Variants in NOTCH2 observed in about 807,000 individuals in gnomAD.
NOTCH2 encodes the protein notch receptor 2.
NOTCH2 carries 29 observed loss-of-function variants against 235.8 expected under a neutral mutation model. The observed-to-expected ratio is 0.12, with a 90% confidence interval of 0.09 to 0.17. NOTCH2 has a LOEUF of 0.17. Ranked by LOEUF, NOTCH2 falls within the 10% of genes least tolerant of loss-of-function variation. NOTCH2 has a pLI of 1.00. For synonymous variants in NOTCH2, 1,086 were observed against 1,141.5 expected (o/e 0.95, Z 0.98); for missense variants, 2,285 against 3,150.2 (o/e 0.73, Z 6.57).
intron 19 of NOTCH2, among the ~76,000 whole-genome samples, chr1:119,939,383 G>C (rs1459420168): frequency 6.6e-6 from 1 of 152,186 alleles, no homozygotes; most frequent in Non-Finnish European, 1.5e-5. Flanking sequence ...TACATGTATA[G>C]CCACCCTGTA....
intron 2 of NOTCH2, among the ~76,000 whole-genome samples, chr1:120,009,432 C>T (rs1246798659): frequency 6.6e-6 from 1 of 150,856 alleles, no homozygotes; most frequent in Non-Finnish European, 1.5e-5. Flanking sequence ...TTTACTTTTA[C>T]CTTAGAAGAT....
rs1649022552 is a variant in NOTCH2, at chr1:119,915,272, G to C, written c.*34C>G. 1 of 1,607,062 alleles carries C rather than the reference G, an allele frequency of 6.2e-7. No homozygotes were observed. On this transcript the variant is annotated 3_prime_UTR_variant, in exon 34 of 34. Transcript: ENST00000256646. ...TTGTTCCTCAGCAGCATTTACAAAAGTCAGTTATGTCTCTACACTGGAGGT... is the reference window on the plus strand; with the variant it reads ...TTGTTCCTCAGCAGCATTTACAAAACTCAGTTATGTCTCTACACTGGAGGT...
At chr1:119,916,932 T>C (rs1208099275) in intron 33 of NOTCH2, among the ~76,000 whole-genome samples, 1 of 152,196 alleles carries the variant, frequency 6.6e-6, no homozygotes, top group African/African-American at 2.4e-5. Context: ...TTTTGCCCCT[T>C]AGGGGGAACA....
intron 22 of NOTCH2, among the ~76,000 whole-genome samples, chr1:119,932,607 ATATCTAT>A (rs1649707131): frequency 1.3e-5 from 2 of 148,344 alleles, no homozygotes; most frequent in African/African-American, 2.5e-5. Context: ...AAACAAACAA[ATATCTAT>A]CTATCTATCT....
intron 12 of NOTCH2, among the ~76,000 whole-genome samples, chr1:119,957,879 C>CACACAT (rs1650767635): frequency 3.4e-5 from 5 of 145,802 alleles, no homozygotes; most frequent in Admixed American, 3.4e-4. Context: ...CACACACACA[C>CACACAT]ACACAACAGG....
In NOTCH2 at chr1:119,916,339, C is replaced by G. The variant is rs1470409826; in HGVS notation, c.6383G>C (p.Gly2128Ala). The G allele has an allele frequency of 1.9e-6, 3 of 1,614,070 alleles. No individual in the cohort carries two copies. The highest frequency in any genetic ancestry group is 3.3e-5 in the Admixed American group (2 of 60,008). Reference protein sequence around the residue: ...NLAKEAKDAKGSRRKKSLSEK... With the variant: ...NLAKEAKDAKASRRKKSLSEK... The stretch of plus-strand genomic sequence containing the variant: ...ACTCAGAGACTTCTTCCTCCTACTA[C>G]CCTTGGCATCCTTTGCCTCCTTGGC... Residue 2128 changes from glycine (G) to alanine (A), a missense_variant, in exon 34 of 34, where the codon GGT becomes GCT. Around this residue, in one of 6 missense-constraint regions of NOTCH2, gnomAD observed 504 missense variants for 538.0 expected, o/e 0.94. Coordinates refer to ENST00000256646, the MANE Select transcript of NOTCH2 (RefSeq NM_024408.4).
chr1:119,948,070 A>G (rs964798691), intron 17 of NOTCH2, among the ~76,000 whole-genome samples: 4 of 152,224 alleles, frequency 2.6e-5, no homozygotes, highest in South Asian at 2.1e-4. Flanking sequence ...TTCACTTACT[A>G]TATGTCAAAA....
intron 2 of NOTCH2, among the ~76,000 whole-genome samples, chr1:120,028,069 A>G (rs1553210292): frequency 9.1e-6 from 1 of 109,888 alleles, no homozygotes; most frequent in Non-Finnish European, 1.8e-5. Context: ...TTTTTAAAGG[A>G]GAGAACCAGT....
chr1:119,916,226 ATG>A lies in NOTCH2; in HGVS notation c.6494_6495del (p.Thr2165IlefsTer38). 6.2e-7 allele frequency: 1 copy of A among 1,614,140 alleles called. No individual in the cohort carries two copies. The highest frequency in any genetic ancestry group is 8.5e-7 in the Non-Finnish European group (1 of 1,180,008). ...CCAGGGGATGTAATCATTGGAGAGG[ATG>A]TGGTGTCGGAAACATACGTGTGAGG... Reference protein sequence around the residue: ...ESPHTYVSDTTSSPMITSPGI... With the variant: ...ESPHTYVSDTXSSPMITSPGI... On this transcript the variant is annotated frameshift_variant, in exon 34 of 34. Coordinates refer to ENST00000256646, the MANE Select transcript of NOTCH2 (RefSeq NM_024408.4). LOFTEE classifies it high-confidence loss of function.
At chr1:119,931,522 TGAA>T (rs782487923) in intron 22 of NOTCH2, among the ~76,000 whole-genome samples, 4 of 152,046 alleles carry the variant, frequency 2.6e-5, no homozygotes, top group African/African-American at 4.8e-5. Context: ...AGGAAAACTA[TGAA>T]GAAGAAGATC....
chr1:119,979,749 G>C (rs956685938), intron 5 of NOTCH2, among the ~76,000 whole-genome samples: 8 of 152,036 alleles, frequency 5.3e-5, no homozygotes, highest in African/African-American at 1.9e-4. Context: ...TAAAGAATAT[G>C]TATATGTTTA....
intron 3 of NOTCH2, among the ~76,000 whole-genome samples, chr1:120,000,637 G>A (rs1488201725): frequency 1.5e-4 from 23 of 148,572 alleles, no homozygotes; most frequent in African/African-American, 5.0e-4. Flanking sequence ...CCATTTCAGA[G>A]TGACATTTTA....
At chr1:119,946,877 A>G (rs782183080) in intron 17 of NOTCH2, among the ~76,000 whole-genome samples, 2 of 152,122 alleles carry the variant, frequency 1.3e-5, no homozygotes, top group African/African-American at 2.4e-5. Flanking sequence ...CATAAGGGTT[A>G]TTTATAGACA....
rs1652477756 is a variant in NOTCH2, at chr1:119,996,901, T to G, written c.751+96A>C. The G allele has an allele frequency of 3.4e-6, 5 of 1,471,354 alleles. No homozygotes were observed. In the Admixed American group the frequency reaches 9.3e-5, roughly 27 times the overall value. 91.1% of individuals were successfully genotyped at this position (1,471,354 alleles called of 1,614,324 possible). On this transcript the variant is annotated intron_variant, in intron 4 of 33. Transcript: ENST00000256646. ...CACACAAAATTCTCACTTCCCTTTT[T>G]CCTTGGGCTTCCTAAAAACAGCAAT...
intron 23 of NOTCH2, among the ~76,000 whole-genome samples, chr1:119,926,848 A>G (rs1307595853): frequency 6.6e-6 from 1 of 152,164 alleles, no homozygotes; most frequent in Non-Finnish European, 1.5e-5. Context: ...GTAAGTACCA[A>G]CTCACACAAC....
intron 5 of NOTCH2, among the ~76,000 whole-genome samples, chr1:119,985,284 C>G (rs1651971415): frequency 6.6e-6 from 1 of 151,968 alleles, no homozygotes; most frequent in Non-Finnish European, 1.5e-5. Context: ...AAATGACAGA[C>G]AGCAAATCAA....
At chr1:119,924,998 A>G (rs1649421830) in intron 25 of NOTCH2, among the ~76,000 whole-genome samples, 1 of 152,236 alleles carries the variant, frequency 6.6e-6, no homozygotes, top group Non-Finnish European at 1.5e-5. Context: ...TCCTGCAGGC[A>G]GGTTATGTGA....
chr1:120,002,098 CT>C (rs1422518538), intron 3 of NOTCH2, among the ~76,000 whole-genome samples: 7 of 152,084 alleles, frequency 4.6e-5, no homozygotes, highest in African/African-American at 1.7e-4. Flanking sequence ...ACCATCACCC[CT>C]AGTGATCCAC....
chr1:119,934,305 A>G (rs2101180030), intron 22 of NOTCH2, among the ~76,000 whole-genome samples: 1 of 152,338 alleles, frequency 6.6e-6, no homozygotes, highest in Non-Finnish European at 1.5e-5. Flanking sequence ...CTGCGAGCCA[A>G]ATATACCTCT....
Sources: allele counts gnomAD v4.1 joint callset (sites outside exome capture counted in the v4.1 genomes callset), GRCh38; gene constraint gnomAD v4.1.1; regional missense constraint gnomAD v4.1.1; transcripts MANE v1.5; gene names NCBI Gene and HGNC (gene_info 2026-07-23, HGNC 2026-07-21).